Variants in SGSM1 observed in about 807,000 individuals in gnomAD.
SGSM1 encodes RUN and TBC1 domain containing 2.
A neutral mutation model predicts 133.8 loss-of-function variants in SGSM1; 73 were observed. That is an observed-to-expected ratio of 0.55 (90% CI 0.45 to 0.66). The LOEUF (loss-of-function observed/expected upper bound fraction) is 0.66. Ranked by LOEUF, SGSM1 falls within the 30% of genes least tolerant of loss-of-function variation. SGSM1 has a pLI of 0.00. For synonymous variants in SGSM1, 563 were observed against 573.0 expected, an observed-to-expected ratio of 0.98 and a Z score of 0.25; for missense variants, 1,213 against 1,448.1, an observed-to-expected ratio of 0.84 and a Z score of 2.64.
In SGSM1 at chr22:24,915,253, T is replaced by TAAATAAATAAATAAACAAAC. The variant is rs375854809; in HGVS notation, c.2929-2402_2929-2401insTAAATAAATAAACAAACAAA. On this transcript the variant is annotated intron_variant, in intron 22 of 24. Transcript: ENST00000400358. ...CAAAATAAATAAATAAATAAATAAA[T>TAAATAAATAAATAAACAAAC]AAACAAACAGCGCTGCACTGAAATT... is the stretch of plus-strand genomic sequence containing the variant. 1.6e-3 allele frequency among the ~76,000 whole-genome samples: 226 copies of TAAATAAATAAATAAACAAAC among 139,556 alleles called. 2 individuals are homozygous for TAAATAAATAAATAAACAAAC. Among genetic ancestry groups the TAAATAAATAAATAAACAAAC allele is most frequent in the African/African-American group, 5.4e-3 (212 of 39,104 alleles). The allele number at this position is 139,556 out of a possible 152,430, so 91.6% of individuals were successfully genotyped here.
intron 22 of SGSM1, among the ~76,000 whole-genome samples, chr22:24,913,791 G>A (rs1933719796): frequency 1.3e-5 from 2 of 152,098 alleles, no homozygotes. Flanking sequence ...AGGCAGAGGC[G>A]GGCGGATCAC....
At chr22:24,829,065 G>A (rs5996767) in intron 2 of SGSM1, among the ~76,000 whole-genome samples, 53,691 of 151,536 alleles carry the variant, frequency 0.35, 9,699 homozygotes, top group African/African-American at 0.37. Flanking sequence ...GCATGGTGGC[G>A]GGCGCCTGTA....
At chr22:24,840,874 G>A (rs569190041) in intron 2 of SGSM1, among the ~76,000 whole-genome samples, 3 of 151,866 alleles carry the variant, frequency 2.0e-5, no homozygotes, top group South Asian at 2.1e-4. Flanking sequence ...TTTTTAAGAC[G>A]GAGTCTCGCT....
At chr22:24,914,793 A>T (rs1264892786) in intron 22 of SGSM1, among the ~76,000 whole-genome samples, 2 of 152,216 alleles carry the variant, frequency 1.3e-5, no homozygotes, top group South Asian at 2.1e-4. Context: ...CCGGAAGTAC[A>T]GTCTTTTGTG....
At position 24,850,293 on chromosome 22, in the gene SGSM1, C is replaced by G. The variant is rs376882015; in HGVS notation, c.316C>G (p.Gln106Glu). 1.3e-6 allele frequency: 2 copies of G among 1,599,360 alleles called. No individual in the cohort carries two copies. Among genetic ancestry groups the G allele is most frequent in the African/African-American group, 1.3e-5 (1 of 74,642 alleles). The change falls in exon 5 of 25, where the codon CAA becomes GAA. Residue 106 changes from glutamine (Q) to glutamate (E), a missense_variant. Physicochemically the swap from Gln to Glu is conservative, Grantham distance 29. Coordinates refer to ENST00000400358, the MANE Select transcript of SGSM1 (RefSeq NM_001098497.3). Reference protein sequence around the residue: ...QLIESARNQIQGLQENVRKLP... With the variant: ...QLIESARNQIEGLQENVRKLP... ...TTGGTCTTGAAGGAGAAACCAGATT[C>G]AAGGCCTCCAGGAGAATGTGCGGAA... is the stretch of plus-strand genomic sequence containing the variant.
At chr22:24,806,672 A>T (rs1344636696) in intron 2 of SGSM1, among the ~76,000 whole-genome samples, 188 bp downstream of exon 2, 1 of 151,768 alleles carries the variant, frequency 6.6e-6, no homozygotes, top group Non-Finnish European at 1.5e-5. Context: ...GGGTGGGCGT[A>T]GGTGTGGGGA....
intron 4 of SGSM1, 139 bp downstream of exon 4, chr22:24,847,935 C>T: frequency 5.8e-6 from 7 of 1,204,190 alleles, no homozygotes; most frequent in Non-Finnish European, 7.9e-6. Context: ...GACTCTTTCC[C>T]ACCCCAGGGT....
chr22:24,825,146 A>T (rs1928726478), intron 2 of SGSM1, among the ~76,000 whole-genome samples: 1 of 152,154 alleles, frequency 6.6e-6, no homozygotes, highest in Non-Finnish European at 1.5e-5. Context: ...AGCCAGCTGG[A>T]GCATTCGGAG....
rs138678441 is a variant in SGSM1, at chr22:24,829,216, G to T, written c.64-15681G>T. Reference sequence around the variant, plus strand: ...ATCTCAAAAGAAAAAAAAAAAGTGAGATCATATCCTTCGCAGGAGCAGGAG... The same window carrying T: ...ATCTCAAAAGAAAAAAAAAAAGTGATATCATATCCTTCGCAGGAGCAGGAG... On this transcript the variant is annotated intron_variant, in intron 2 of 24. Coordinates refer to ENST00000400358, the MANE Select transcript of SGSM1 (RefSeq NM_001098497.3). Among the ~76,000 whole-genome samples, 1,110 of 151,266 alleles carry T rather than the reference G, an allele frequency of 7.3e-3. 10 individuals are homozygous for T. Among genetic ancestry groups the T allele is most frequent in the African/African-American group, 0.026 (1,054 of 41,138 alleles).
chr22:24,899,378 T>A lies in SGSM1; in HGVS notation c.2610+819T>A, dbSNP rs574376664. Among the ~76,000 whole-genome samples, 39 of 152,272 alleles carry A rather than the reference T, an allele frequency of 2.6e-4. 1 individual carries two copies. The South Asian group carries it at 7.7e-3, about 30-fold the overall frequency. Reference sequence around the variant, plus strand: ...GCCCTCCACTCCACTGCACCTGATGTGTCATTATCATTCACAATCTTCCTC... The same window carrying A: ...GCCCTCCACTCCACTGCACCTGATGAGTCATTATCATTCACAATCTTCCTC... On this transcript the variant is annotated intron_variant, in intron 19 of 24. Coordinates refer to ENST00000400358, the MANE Select transcript of SGSM1 (RefSeq NM_001098497.3).
chr22:24,834,842 C>T (rs1929332252), intron 2 of SGSM1, among the ~76,000 whole-genome samples: 1 of 151,550 alleles, frequency 6.6e-6, no homozygotes, highest in Admixed American at 6.6e-5. Flanking sequence ...TCTTAGATGT[C>T]AGGCCTGGCC....
chr22:24,845,954 TTTCTTTCTTTCTTTCTTTC>T (rs1569144695), intron 3 of SGSM1, among the ~76,000 whole-genome samples: 15 of 89,832 alleles, frequency 1.7e-4, no homozygotes, highest in Non-Finnish European at 3.1e-4. Flanking sequence ...TCTTTCTTTC[TTTCTTTCTTTCTTTCTTTC>T]TTTCTTTCTT....
At chr22:24,912,411 G>C (rs1933659941) in intron 21 of SGSM1, among the ~76,000 whole-genome samples, 1 of 152,144 alleles carries the variant, frequency 6.6e-6, no homozygotes, top group South Asian at 2.1e-4. Context: ...AGGTGCAGTG[G>C]CTCAGGCCTG....
intron 2 of SGSM1, among the ~76,000 whole-genome samples, chr22:24,839,139 T>A (rs574910035): frequency 6.6e-6 from 1 of 152,312 alleles, no homozygotes; most frequent in African/African-American, 2.4e-5. Flanking sequence ...CACTGCAGCC[T>A]CAACCTCCTG....
chr22:24,866,940 G>A, intron 9 of SGSM1, among the ~76,000 whole-genome samples, 153 bp from the exon 10 acceptor site: 1 of 152,176 alleles, frequency 6.6e-6, no homozygotes, highest in South Asian at 2.1e-4. Flanking sequence ...CCAGAAAAAG[G>A]GGAGATAGAG....
chr22:24,868,805 C>A lies in SGSM1; in HGVS notation c.1241C>A (p.Ala414Asp). The part of the protein sequence containing the change: ...STSSDKDDDE[A>D]TDYVFRIIYP... ...TCTTCAGACAAAGATGATGATGAGG[C>A]CACGGATTATGTGTTCAGGATCATC... The change falls in exon 12 of 25, where the codon GCC (alanine) becomes GAC (aspartate). Residue 414 changes from alanine to aspartate, a missense_variant. Ala to Asp is a moderately radical substitution (Grantham distance 126). Coordinates refer to ENST00000400358, the MANE Select transcript of SGSM1 (RefSeq NM_001098497.3). The A allele has an allele frequency of 1.2e-6, 2 of 1,613,990 alleles. No individual in the cohort carries two copies. Among genetic ancestry groups the A allele is most frequent in the Admixed American group, 1.7e-5 (1 of 60,024 alleles).
intron 2 of SGSM1, among the ~76,000 whole-genome samples, chr22:24,819,089 T>C (rs199826100): frequency 6.8e-6 from 1 of 147,906 alleles, no homozygotes; most frequent in East Asian, 2.0e-4. Flanking sequence ...GAGCTTGCAG[T>C]GAGCAGAGAT....
At chr22:24,863,466 G>A (rs62231152) in intron 9 of SGSM1, among the ~76,000 whole-genome samples, 14,806 of 151,988 alleles carry the variant, frequency 0.097, 825 homozygotes, top group East Asian at 0.15. Context: ...CATCGTAGGC[G>A]CTTTGATACT....
intron 20 of SGSM1, among the ~76,000 whole-genome samples, chr22:24,903,799 C>G (rs536912483): frequency 2.0e-5 from 3 of 151,928 alleles, no homozygotes; most frequent in Non-Finnish European, 4.4e-5. Flanking sequence ...TGGCGAAACC[C>G]TGTCTCTACT....
Sources: gnomAD v4.1 joint callset for allele counts (sites outside exome capture counted in the v4.1 genomes callset) on GRCh38, gnomAD v4.1.1 for gene constraint, MANE v1.5 for transcripts, NCBI Gene and HGNC (gene_info 2026-07-23, HGNC 2026-07-21) for gene names.